Variants in CNTN5 observed in about 807,000 individuals in gnomAD.
CNTN5 encodes contactin 5.
A neutral mutation model predicts 129.1 loss-of-function variants in CNTN5; 77 were observed. The observed-to-expected ratio is 0.60, with a 90% CI of 0.50 to 0.72. CNTN5 has a LOEUF of 0.72. Ranked by LOEUF, CNTN5 falls within the 30% of genes least tolerant of loss-of-function variation. The probability of loss-of-function intolerance (pLI) is 0.00; values close to 1 mark genes in which losing one functional copy is unlikely to be tolerated. For synonymous variants in CNTN5, 509 were observed against 465.6 expected (o/e 1.09, Z -1.20); for missense variants, 1,478 against 1,328.8 (o/e 1.11, Z -1.75).
At chr11:99,973,585 G>A (rs1937730033) in intron 8 of CNTN5, among the ~76,000 whole-genome samples, 1 of 152,152 alleles carries the variant, frequency 6.6e-6, no homozygotes, top group African/African-American at 2.4e-5. Flanking sequence ...AAGGCTTCCT[G>A]TGAATCATTT....
intron 15 of CNTN5, among the ~76,000 whole-genome samples, chr11:100,217,050 T>C (rs1253971805): frequency 2.0e-5 from 3 of 152,214 alleles, no homozygotes; most frequent in East Asian, 1.9e-4. Flanking sequence ...GGCTACATAA[T>C]TTATTTATCT....
intron 24 of CNTN5, among the ~76,000 whole-genome samples, chr11:100,352,116 A>AG (rs1198384809): frequency 6.6e-6 from 1 of 151,614 alleles, no homozygotes; most frequent in Non-Finnish European, 1.5e-5. Context: ...TTCATCACCC[A>AG]GGTATTAAGC....
At chr11:99,532,069 CACAG>C (rs1947730797) in intron 2 of CNTN5, among the ~76,000 whole-genome samples, 1 of 151,914 alleles carries the variant, frequency 6.6e-6, no homozygotes, top group Non-Finnish European at 1.5e-5. Flanking sequence ...CTGGAAAAGC[CACAG>C]ACAGTCAACA....
intron 13 of CNTN5, among the ~76,000 whole-genome samples, chr11:100,102,889 C>A (rs1945277820): frequency 6.6e-6 from 1 of 152,104 alleles, no homozygotes; most frequent in South Asian, 2.1e-4. Context: ...CTCTAACTGG[C>A]TGATTTTGGA....
intron 3 of CNTN5, among the ~76,000 whole-genome samples, chr11:99,687,878 A>G (rs1205645019): frequency 2.6e-5 from 4 of 152,182 alleles, no homozygotes; most frequent in Admixed American, 2.6e-4. Context: ...GAATCAAATT[A>G]TATTCCCAGT....
At chr11:99,165,898 T>TG (rs1451104157) in intron 1 of CNTN5, among the ~76,000 whole-genome samples, 27 of 152,146 alleles carry the variant, frequency 1.8e-4, no homozygotes, top group African/African-American at 6.5e-4. Flanking sequence ...CTTAGACCCG[T>TG]CATCTGAGGT....
intron 3 of CNTN5, among the ~76,000 whole-genome samples, chr11:99,607,292 A>T (rs1395411027): frequency 8.9e-6 from 1 of 112,972 alleles, no homozygotes; most frequent in African/African-American, 3.4e-5. Context: ...GGCGAAGGAC[A>T]TGAACAGACA....
chr11:100,350,608 C>T, intron 23 of CNTN5, 94 bp from the exon 24 acceptor site: 1 of 898,352 alleles, frequency 1.1e-6, no homozygotes, highest in South Asian at 1.9e-5. Flanking sequence ...CTGTAAGCTC[C>T]TTGTGCTTAT....
intron 6 of CNTN5, among the ~76,000 whole-genome samples, chr11:99,851,576 C>T (rs1157294148): frequency 6.6e-6 from 1 of 152,170 alleles, no homozygotes; most frequent in East Asian, 1.9e-4. Flanking sequence ...GAAAGTCAAA[C>T]ATATAATGAA....
intron 3 of CNTN5, among the ~76,000 whole-genome samples, chr11:99,801,690 A>G (rs531697577): frequency 8.4e-4 from 128 of 152,248 alleles, no homozygotes; most frequent in African/African-American, 3.0e-3. Flanking sequence ...TAAGCTGTGA[A>G]ATTCTTTCTT....
chr11:99,365,306 T>G (rs1036016569), intron 2 of CNTN5, among the ~76,000 whole-genome samples: 5 of 152,180 alleles, frequency 3.3e-5, no homozygotes, highest in African/African-American at 9.6e-5. Flanking sequence ...GCATAGCATA[T>G]AATAAATATG....
intron 13 of CNTN5, among the ~76,000 whole-genome samples, chr11:100,154,898 TC>T: frequency 6.6e-6 from 1 of 152,336 alleles, no homozygotes; most frequent in East Asian, 1.9e-4. Flanking sequence ...TTGAGTTCTT[TC>T]TTTGTAGATT....
At chr11:100,337,098 T>G in intron 21 of CNTN5, 3 of 1,367,798 alleles carry the variant, frequency 2.2e-6, no homozygotes, top group Non-Finnish European at 3.1e-6. Flanking sequence ...TCATCAGACA[T>G]GCAGAGAAGA....
intron 2 of CNTN5, among the ~76,000 whole-genome samples, chr11:99,406,590 A>G (rs1204545995): frequency 1.3e-5 from 2 of 152,146 alleles, no homozygotes; most frequent in East Asian, 3.9e-4. Context: ...CTGGGGCTCT[A>G]CAATCAGCGG....
intron 2 of CNTN5, among the ~76,000 whole-genome samples, chr11:99,487,738 G>T (rs1039935170): frequency 6.6e-6 from 1 of 152,112 alleles, no homozygotes; most frequent in African/African-American, 2.4e-5. Context: ...TCAACCAGGA[G>T]ACTCCTTTAA....
rs1412717197 is a variant in CNTN5 at position 99,486,873 on chromosome 11, AT to A, written c.-70-69266del. Among the ~76,000 whole-genome samples, 3 of 152,274 alleles carry A rather than the reference AT, an allele frequency of 2.0e-5. No individual in the cohort carries two copies. In the East Asian group the frequency reaches 5.8e-4, roughly 29 times the overall value. On this transcript the variant is annotated intron_variant, in intron 2 of 24. Transcript: ENST00000524871. ...TTACTACACAAAAGAGATTAGAAAA[AT>A]TTTTTATTGGCTATAAAATGATGGG...
intron 24 of CNTN5, among the ~76,000 whole-genome samples, chr11:100,352,939 G>A (rs898680348): frequency 2.6e-5 from 4 of 151,496 alleles, no homozygotes; most frequent in Non-Finnish European, 4.4e-5. Flanking sequence ...GCCTCATCAC[G>A]TTCCTGGGAT....
chr11:99,829,610 A>G (rs1947073690), intron 4 of CNTN5, among the ~76,000 whole-genome samples: 1 of 152,234 alleles, frequency 6.6e-6, no homozygotes, highest in South Asian at 2.1e-4. Context: ...TCAACCCGAT[A>G]CTGTTATTTT....
intron 1 of CNTN5, among the ~76,000 whole-genome samples, chr11:99,313,487 A>G (rs1294865264): frequency 1.3e-5 from 2 of 152,054 alleles, no homozygotes; most frequent in African/African-American, 4.8e-5. Flanking sequence ...ACTAACATTG[A>G]AACAGCAGGG....
Sources: allele counts gnomAD v4.1 joint callset (sites outside exome capture counted in the v4.1 genomes callset), GRCh38; gene constraint gnomAD v4.1.1; transcripts MANE v1.5; gene names NCBI Gene and HGNC (gene_info 2026-07-23, HGNC 2026-07-21).